Variants in CYP2C19 observed in about 807,000 individuals in gnomAD.
CYP2C19 encodes the protein cytochrome P450 family 2 subfamily C member 19.
In CYP2C19, 59 loss-of-function variants were observed where a neutral mutation model predicts 40.9. The observed-to-expected ratio is 1.44, with a 90% CI of 1.17 to 1.79. The LOEUF is 1.79. CYP2C19 is among the 40% of genes most tolerant of loss of function. CYP2C19 has a pLI of 0.00. For synonymous variants in CYP2C19, 253 were observed against 208.7 expected (o/e 1.21, Z -1.83); for missense variants, 754 against 596.9 (o/e 1.26, Z -2.74).
At chr10:94,778,298 C>T (rs997455283) in intron 3 of CYP2C19, among the ~76,000 whole-genome samples, 7 of 152,150 alleles carry the variant, frequency 4.6e-5, no homozygotes, top group African/African-American at 1.7e-4. Context: ...ACATACTCCT[C>T]GTCCTCTCCC....
chr10:94,764,635 C>G (rs1192561787), intron 1 of CYP2C19, among the ~76,000 whole-genome samples: 2 of 152,054 alleles, frequency 1.3e-5, no homozygotes, highest in Non-Finnish European at 2.9e-5. Flanking sequence ...TTGTAGTGTC[C>G]TCCGGAGGGG....
At chr10:94,778,707 C>T (rs540823021) in intron 3 of CYP2C19, among the ~76,000 whole-genome samples, 16 of 152,220 alleles carry the variant, frequency 1.1e-4, no homozygotes, top group Middle Eastern at 3.4e-3. Context: ...GACAGTGTGG[C>T]GATTCCTCAA....
intron 6 of CYP2C19, among the ~76,000 whole-genome samples, chr10:94,822,409 TG>T (rs1412428182): frequency 1.3e-5 from 2 of 152,164 alleles, no homozygotes; most frequent in Non-Finnish European, 2.9e-5. Context: ...AGATGAGATT[TG>T]AGTGGGGACA....
At chr10:94,763,255 G>C (rs1013594491) in intron 1 of CYP2C19, among the ~76,000 whole-genome samples, 5 of 152,078 alleles carry the variant, frequency 3.3e-5, no homozygotes, top group African/African-American at 1.2e-4. Flanking sequence ...GTTTTATTCA[G>C]AATAGCCGTG....
chr10:94,765,641 G>A (rs749541531), intron 1 of CYP2C19, among the ~76,000 whole-genome samples: 1 of 152,096 alleles, frequency 6.6e-6, no homozygotes, highest in Non-Finnish European at 1.5e-5. Context: ...TTTACTAGTG[G>A]TGGGGGAGCT....
chr10:94,767,321 C>T (rs1848259273), intron 1 of CYP2C19, among the ~76,000 whole-genome samples: 1 of 152,132 alleles, frequency 6.6e-6, no homozygotes, highest in South Asian at 2.1e-4. Flanking sequence ...CTGGAAATTC[C>T]CTAAGTTATT....
At chr10:94,838,766 C>G (rs540560034) in intron 6 of CYP2C19, among the ~76,000 whole-genome samples, 207 of 152,114 alleles carry the variant, frequency 1.4e-3, no homozygotes, top group Admixed American at 1.8e-3. Flanking sequence ...CGAGTTGTCT[C>G]TTAATGAAAA....
At chr10:94,804,223 G>GCTA (rs922811714) in intron 5 of CYP2C19, among the ~76,000 whole-genome samples, 3 of 152,148 alleles carry the variant, frequency 2.0e-5, no homozygotes, top group Non-Finnish European at 4.4e-5. Flanking sequence ...AGGTCACCAA[G>GCTA]CTAGTCCTGG....
In CYP2C19 at chr10:94,854,172, C is replaced by A. The variant is rs551758379; in HGVS notation, c.*1258C>A. The stretch of plus-strand genomic sequence containing the variant: ...TAGCTGGGATTACAGGTGCCTACCA[C>A]CACACCAGGCTAATTTTTGTATTTT... On this transcript the variant is annotated 3_prime_UTR_variant, in exon 9 of 9. Transcript: ENST00000371321. 1.3e-5 allele frequency among the ~76,000 whole-genome samples: 2 copies of A among 151,966 alleles called. No individual in the cohort carries two copies. Among genetic ancestry groups the A allele is most frequent in the Non-Finnish European group, 2.9e-5 (2 of 67,994 alleles).
At chr10:94,847,542 G>T (rs1489283546) in intron 7 of CYP2C19, among the ~76,000 whole-genome samples, 1 of 152,114 alleles carries the variant, frequency 6.6e-6, no homozygotes, top group South Asian at 2.1e-4. Flanking sequence ...AAATATACGT[G>T]TGCATGTGTC....
intron 6 of CYP2C19, among the ~76,000 whole-genome samples, chr10:94,822,920 T>C (rs1303637411): frequency 6.6e-6 from 1 of 152,086 alleles, no homozygotes; most frequent in Non-Finnish European, 1.5e-5. Flanking sequence ...ATTTCTAATT[T>C]TTTTTTTGTT....
rs200907451 is a variant in CYP2C19, at chr10:94,828,366, A to G, written c.961+7729A>G. ...GTGCTCCTGTATTGGGTGCATATATATTTAGCATAGTTAGCTCTTCTTGTT... is the reference window on the plus strand; with the variant it reads ...GTGCTCCTGTATTGGGTGCATATATGTTTAGCATAGTTAGCTCTTCTTGTT... On this transcript the variant is annotated intron_variant, in intron 6 of 8. Transcript: ENST00000371321. 7.9e-5 allele frequency among the ~76,000 whole-genome samples: 12 copies of G among 151,496 alleles called. No homozygotes were observed. The East Asian group carries it at 1.9e-3, about 24-fold the overall frequency.
rs776347714 is a variant in CYP2C19 at position 94,820,604 on chromosome 10, C to T, written c.928C>T (p.Leu310Phe). ...ETTSTTLRYA[L>F]LLLLKHPEVT... ...AACAAGCACAACCCTGAGATATGCTCTCCTTCTCCTGCTGAAGCACCCAGA... is the reference window on the plus strand; with the variant it reads ...AACAAGCACAACCCTGAGATATGCTTTCCTTCTCCTGCTGAAGCACCCAGA... The change falls in exon 6 of 9, where the codon CTC (leucine) becomes TTC (phenylalanine). Residue 310 changes from leucine to phenylalanine, a missense_variant. Coordinates refer to ENST00000371321, the MANE Select transcript of CYP2C19 (RefSeq NM_000769.4). 19 of 1,614,072 alleles carry T rather than the reference C, an allele frequency of 1.2e-5. No individual in the cohort carries two copies. The highest frequency in any genetic ancestry group is 1.6e-5 in the Non-Finnish European group (19 of 1,180,046).
intron 6 of CYP2C19, among the ~76,000 whole-genome samples, chr10:94,824,752 C>A (rs57565992): frequency 1.1e-4 from 16 of 151,490 alleles, no homozygotes; most frequent in Admixed American, 8.6e-4. Flanking sequence ...GTGCACGGCA[C>A]CCACTAACTC....
chr10:94,830,127 C>T (rs1406321595), intron 6 of CYP2C19, among the ~76,000 whole-genome samples: 1 of 152,204 alleles, frequency 6.6e-6, no homozygotes, highest in Non-Finnish European at 1.5e-5. Flanking sequence ...TGCCCTGCCC[C>T]CAGAGGTGGA....
intron 5 of CYP2C19, among the ~76,000 whole-genome samples, chr10:94,811,225 A>ATGGCAC (rs1380074551): frequency 4.6e-5 from 7 of 152,176 alleles, no homozygotes; most frequent in Non-Finnish European, 7.3e-5. Flanking sequence ...TTTTAATTTG[A>ATGGCAC]TGGCACTGTG....
intron 5 of CYP2C19, among the ~76,000 whole-genome samples, chr10:94,787,277 G>T (rs968928251): frequency 6.6e-6 from 1 of 152,010 alleles, no homozygotes; most frequent in Non-Finnish European, 1.5e-5. Flanking sequence ...TCATATGCTT[G>T]TTGGCCATGT....
Position 94,811,442 on chromosome 10 carries a change from A to T in CYP2C19, c.820-9054A>T, listed in dbSNP as rs112616341. Among the ~76,000 whole-genome samples the T allele has an allele frequency of 3.1e-3, 474 of 152,006 alleles. 3 individuals are homozygous for T. Among genetic ancestry groups the T allele is most frequent in the African/African-American group, 0.011 (451 of 41,468 alleles). ...TTCAAGTCCTGGAGATCCTTGTTAA[A>T]TTTCTGTCTCATTGATCTGTCTAAT... On this transcript the variant is annotated intron_variant, in intron 5 of 8. Transcript: ENST00000371321.
intron 1 of CYP2C19, chr10:94,774,587 T>TAAA: frequency 1.1e-5 from 2 of 177,280 alleles, no homozygotes; most frequent in Admixed American, 5.5e-5. Flanking sequence ...TGATGCATGC[T>TAAA]AATCATAAAA....
Sources: gnomAD v4.1 joint callset for allele counts (sites outside exome capture counted in the v4.1 genomes callset) on GRCh38, gnomAD v4.1.1 for gene constraint, MANE v1.5 for transcripts, NCBI Gene and HGNC (gene_info 2026-07-23, HGNC 2026-07-21) for gene names.